PDK1: variants seen among roughly 807,000 people sequenced by gnomAD.
PDK1 encodes the protein pyruvate dehydrogenase kinase 1, also known as [Pyruvate dehydrogenase (acetyl-transferring)] kinase isozyme 1, mitochondrial.
Under a neutral mutation model 54.2 loss-of-function variants are expected in PDK1, and 39 were observed. The observed-to-expected ratio is 0.72, with a 90% CI of 0.56 to 0.94. The LOEUF (loss-of-function observed/expected upper bound fraction) is 0.94, where lower values mean the gene tolerates loss of function less well. Ranked by LOEUF, PDK1 falls within the 40% of genes least tolerant of loss-of-function variation. The pLI is 0.00. For synonymous variants in PDK1, 221 were observed against 207.1 expected, an observed-to-expected ratio of 1.07 and a Z score of -0.58; for missense variants, 552 against 566.0, an observed-to-expected ratio of 0.98 and a Z score of 0.25.
intron 2 of PDK1, among the ~76,000 whole-genome samples, chr2:172,561,424 C>T (rs1301597881): frequency 6.6e-6 from 1 of 152,232 alleles, no homozygotes; most frequent in Non-Finnish European, 1.5e-5. Flanking sequence ...GTTTTTAAAG[C>T]ACTTCCATTG....
the PDK1 span, among the ~76,000 whole-genome samples, chr2:172,621,615 T>TATATGTTTATATATC: frequency 6.8e-6 from 1 of 147,356 alleles, no homozygotes; most frequent in Non-Finnish European, 1.5e-5. Context: ...TTATATATCA[T>TATATGTTTATATATC]ATATGTTTAT....
At chr2:172,706,493 C>T in the PDK1 span, among the ~76,000 whole-genome samples, 1 of 151,584 alleles carries the variant, frequency 6.6e-6, no homozygotes, top group Non-Finnish European at 1.5e-5. Context: ...GGCACAATCT[C>T]GGCTCACTGC....
At chr2:172,663,417 A>T in the PDK1 span, among the ~76,000 whole-genome samples, 1 of 152,164 alleles carries the variant, frequency 6.6e-6, no homozygotes, top group East Asian at 1.9e-4. Context: ...GCAGATTGCC[A>T]TGTGGGGTTG....
chr2:172,631,729 A>G, the PDK1 span, among the ~76,000 whole-genome samples: 1 of 152,184 alleles, frequency 6.6e-6, no homozygotes, highest in Non-Finnish European at 1.5e-5. Context: ...GGATATAAGG[A>G]CAGGAAAACT....
chr2:172,567,364 A>C (rs1242531843), intron 6 of PDK1, among the ~76,000 whole-genome samples: 3 of 152,226 alleles, frequency 2.0e-5, no homozygotes, highest in Non-Finnish European at 4.4e-5. Flanking sequence ...CATCTATTTG[A>C]GAATCTGTTT....
intron 2 of PDK1, among the ~76,000 whole-genome samples, chr2:172,560,131 C>T (rs1046089544): frequency 6.6e-6 from 1 of 152,220 alleles, no homozygotes; most frequent in Non-Finnish European, 1.5e-5. Flanking sequence ...GGGCATGAGC[C>T]ATTGTGTCTA....
the PDK1 span, among the ~76,000 whole-genome samples, chr2:172,660,116 C>T: frequency 1.3e-5 from 2 of 151,964 alleles, no homozygotes; most frequent in Non-Finnish European, 1.5e-5. Context: ...GGGACTGACC[C>T]CAGGCCCAGG....
chr2:172,717,705 T>C, the PDK1 span, among the ~76,000 whole-genome samples: 1 of 152,304 alleles, frequency 6.6e-6, no homozygotes, highest in East Asian at 1.9e-4. Context: ...TATTAGTATT[T>C]TGAAGTAGAA....
chr2:172,662,493 C>CATGTGTGTGTGTGT, the PDK1 span, among the ~76,000 whole-genome samples: 2 of 143,500 alleles, frequency 1.4e-5, no homozygotes, highest in African/African-American at 5.1e-5. Flanking sequence ...TTTTTAAAAT[C>CATGTGTGTGTGTGT]GTGTGTGTGT....
At chr2:172,647,648 A>G in the PDK1 span, among the ~76,000 whole-genome samples, 1 of 152,240 alleles carries the variant, frequency 6.6e-6, no homozygotes, top group African/African-American at 2.4e-5. Context: ...AAGGAATTCC[A>G]ATTAATAAAT....
At chr2:172,563,087 T>C (rs149671118) in intron 3 of PDK1, among the ~76,000 whole-genome samples, 2,373 of 152,328 alleles carry the variant, frequency 0.016, 25 homozygotes, top group South Asian at 0.048. Context: ...TTTAAAACAA[T>C]TCATTGAAAT....
chr2:172,620,172 G>A, the PDK1 span, among the ~76,000 whole-genome samples: 2 of 152,116 alleles, frequency 1.3e-5, no homozygotes, highest in Non-Finnish European at 2.9e-5. Context: ...TCTCAAACAA[G>A]CAAAGCAAAA....
At chr2:172,627,597 G>GT in the PDK1 span, among the ~76,000 whole-genome samples, 12 of 152,228 alleles carry the variant, frequency 7.9e-5, no homozygotes, top group South Asian at 2.5e-3. Context: ...GTGAGATGGA[G>GT]TAAGGACCTC....
chr2:172,615,411 G>A, the PDK1 span, among the ~76,000 whole-genome samples: 35 of 152,124 alleles, frequency 2.3e-4, no homozygotes, highest in Admixed American at 3.9e-4. Context: ...ATCACCTGAG[G>A]TCAGGAGTTC....
At chr2:172,627,980 C>T in the PDK1 span, among the ~76,000 whole-genome samples, 1 of 152,288 alleles carries the variant, frequency 6.6e-6, no homozygotes, top group African/African-American at 2.4e-5. Flanking sequence ...TGAGCTGGAC[C>T]TAACATTCTT....
At chr2:172,686,891 T>G in the PDK1 span, among the ~76,000 whole-genome samples, 142 of 152,336 alleles carry the variant, frequency 9.3e-4, 1 homozygote, top group African/African-American at 3.2e-3. Flanking sequence ...ATTACTATTA[T>G]TAGACAACTA....
At chr2:172,621,282 G>T in the PDK1 span, among the ~76,000 whole-genome samples, 2 of 152,158 alleles carry the variant, frequency 1.3e-5, no homozygotes, top group African/African-American at 4.8e-5. Context: ...CTTAATCTGG[G>T]TGAGCACCAT....
At chr2:172,715,201 AC>A in the PDK1 span, among the ~76,000 whole-genome samples, 3 of 152,140 alleles carry the variant, frequency 2.0e-5, no homozygotes, top group Admixed American at 6.5e-5. Flanking sequence ...AGGCACTGAC[AC>A]CCCAGGCCAA....
At chr2:172,623,146 TA>T in the PDK1 span, among the ~76,000 whole-genome samples, 111 of 142,634 alleles carry the variant, frequency 7.8e-4, no homozygotes, top group Admixed American at 7.1e-4. Flanking sequence ...TGAGACTGTT[TA>T]AAAAAAAAAA....
Sources: gnomAD v4.1 joint callset for allele counts (sites outside exome capture counted in the v4.1 genomes callset) on GRCh38, gnomAD v4.1.1 for gene constraint, MANE v1.5 for transcripts, NCBI Gene and HGNC (gene_info 2026-07-23, HGNC 2026-07-21) for gene names.